Variants in NR5A2 observed in about 807,000 individuals in gnomAD.
NR5A2 encodes CYP7A promoter-binding factor.
In NR5A2, 26 loss-of-function variants were observed where a neutral mutation model predicts 62.7. The ratio of observed to expected loss-of-function variants is 0.41; its 90% confidence interval spans 0.30 to 0.58. NR5A2 has a LOEUF of 0.58. NR5A2 is among the 20% of genes least tolerant of loss of function. NR5A2 has a pLI of 0.22. For synonymous variants in NR5A2, 246 were observed against 241.7 expected (o/e 1.02, Z -0.16); for missense variants, 541 against 669.1 (o/e 0.81, Z 2.11).
chr1:200,082,046 G>A (rs939746662), intron 5 of NR5A2, among the ~76,000 whole-genome samples: 4 of 152,080 alleles, frequency 2.6e-5, no homozygotes, highest in Admixed American at 6.5e-5. Context: ...TCTGGTTTTC[G>A]TATGGTTTGA....
At position 200,174,180 on chromosome 1, in the gene NR5A2, C is replaced by T. The variant is rs139798381; in HGVS notation, c.1596C>T (p.Leu532=). Residue 532 remains leucine, a synonymous_variant, in exon 8 of 8, where the codon CTC becomes CTT. Transcript: ENST00000367362. The part of the protein sequence containing the change: ...LNGDVPYNNL[L]IEMLHAKRA The stretch of plus-strand genomic sequence containing the variant: ...GGGATGTGCCCTATAATAACCTTCT[C>T]ATTGAAATGTTGCATGCCAAAAGAG... 1 of 1,605,670 alleles carries T rather than the reference C, an allele frequency of 6.2e-7. No individual in the cohort carries two copies. The highest frequency in any genetic ancestry group is 1.3e-5 in the African/African-American group (1 of 74,506).
intron 5 of NR5A2, among the ~76,000 whole-genome samples, chr1:200,087,253 C>A (rs1664595972): frequency 6.6e-6 from 1 of 152,028 alleles, no homozygotes; most frequent in African/African-American, 2.4e-5. Context: ...CACACACACA[C>A]ACACACACAC....
At chr1:200,079,522 A>T (rs1484176309) in intron 5 of NR5A2, among the ~76,000 whole-genome samples, 1 of 152,226 alleles carries the variant, frequency 6.6e-6, no homozygotes, top group Non-Finnish European at 1.5e-5. Context: ...CTCAGGCTTG[A>T]TATATGGGCC....
chr1:200,117,198 G>A (rs1485604288), intron 6 of NR5A2, among the ~76,000 whole-genome samples: 2 of 152,130 alleles, frequency 1.3e-5, no homozygotes, highest in Admixed American at 1.3e-4. Context: ...GTACATAAAA[G>A]ACAAGGCCAA....
chr1:200,085,663 A>C (rs1664487630), intron 5 of NR5A2, among the ~76,000 whole-genome samples: 2 of 96,236 alleles, frequency 2.1e-5, no homozygotes, highest in Admixed American at 2.0e-4. Context: ...GACCTATCTC[A>C]AAAAAAAAAA....
At chr1:200,110,710 C>CT (rs1229849348) in intron 5 of NR5A2, among the ~76,000 whole-genome samples, 1 of 152,176 alleles carries the variant, frequency 6.6e-6, no homozygotes, top group Admixed American at 6.5e-5. Flanking sequence ...TCCAAAAGTC[C>CT]TATGGGCTGT....
At chr1:200,091,976 T>C (rs938671718) in intron 5 of NR5A2, among the ~76,000 whole-genome samples, 1 of 152,182 alleles carries the variant, frequency 6.6e-6, no homozygotes. Context: ...TTGTTAGACA[T>C]GTAGAATCAC....
intron 7 of NR5A2, among the ~76,000 whole-genome samples, chr1:200,132,131 G>A (rs766671759): frequency 9.9e-5 from 15 of 151,982 alleles, no homozygotes; most frequent in Non-Finnish European, 1.8e-4. Flanking sequence ...TGCCTCAGCC[G>A]CCTGAGTAGT....
intron 7 of NR5A2, among the ~76,000 whole-genome samples, chr1:200,139,450 AAGTC>A (rs1374600877): frequency 6.6e-6 from 1 of 152,214 alleles, no homozygotes; most frequent in Non-Finnish European, 1.5e-5. Context: ...AATCATTCTA[AAGTC>A]AAATGACTTG....
intron 7 of NR5A2, among the ~76,000 whole-genome samples, chr1:200,125,714 TAAGC>T (rs933537335): frequency 8.5e-5 from 13 of 152,244 alleles, no homozygotes; most frequent in Non-Finnish European, 2.9e-5. Flanking sequence ...AAAGGTCATC[TAAGC>T]AAGTACTATA....
At chr1:200,027,934 AT>A in intron 1 of NR5A2, 23 bp downstream of exon 1, 11 of 1,521,338 alleles carry the variant, frequency 7.2e-6, no homozygotes, top group Non-Finnish European at 9.0e-6. Context: ...TTCTCTATTG[AT>A]CATCTATTTA....
chr1:200,147,303 G>GC lies in NR5A2; in HGVS notation c.1378+26350dup, dbSNP rs1459679071. On this transcript the variant is annotated intron_variant, in intron 7 of 7. Coordinates refer to ENST00000367362, the MANE Select transcript of NR5A2 (RefSeq NM_205860.3). The surrounding 1 kb of genome is among the most constrained non-coding windows in gnomAD (Gnocchi z 4.9). ...GCTGGCTGCATCTGCTGTGCCAGGC[G>GC]CCTACTGTGCGCTCCTCTCCTCATC... 4.6e-5 allele frequency among the ~76,000 whole-genome samples: 7 copies of GC among 152,320 alleles called. No individual in the cohort carries two copies. Among genetic ancestry groups the GC allele is most frequent in the Non-Finnish European group, 1.5e-5 (1 of 68,034 alleles).
rs1666460420 is a variant in NR5A2, at chr1:200,121,053, A to G, written c.1378+98A>G. On this transcript the variant is annotated intron_variant, in intron 7 of 7. Coordinates refer to ENST00000367362, the MANE Select transcript of NR5A2 (RefSeq NM_205860.3). ...GTCCATGTATGTTTTTGTTCTATCA[A>G]TATAATGCCCTTCCTGTCAAATTAT... 1.9e-5 allele frequency: 24 copies of G among 1,231,932 alleles called. No homozygotes were observed. In the South Asian group the frequency reaches 2.5e-4, roughly 13 times the overall value. 76.3% of individuals were successfully genotyped at this position (1,231,932 alleles called of 1,614,324 possible).
intron 7 of NR5A2, among the ~76,000 whole-genome samples, chr1:200,166,358 C>G (rs1653901197): frequency 6.6e-6 from 1 of 152,176 alleles, no homozygotes; most frequent in South Asian, 2.1e-4. Flanking sequence ...AGACTGTACT[C>G]AGTCTCCATC....
At chr1:200,085,970 C>T (rs1010313413) in intron 5 of NR5A2, among the ~76,000 whole-genome samples, 52 of 152,104 alleles carry the variant, frequency 3.4e-4, no homozygotes, top group Non-Finnish European at 6.3e-4. Flanking sequence ...GTGTGGTGCT[C>T]ATTTTCTTTG....
chr1:200,102,413 T>C (rs900412466), intron 5 of NR5A2, among the ~76,000 whole-genome samples: 1 of 152,172 alleles, frequency 6.6e-6, no homozygotes, highest in African/African-American at 2.4e-5. Context: ...TGACTCTGGA[T>C]TGAGCTGTTC....
At chr1:200,168,846 T>C (rs1050421799) in intron 7 of NR5A2, among the ~76,000 whole-genome samples, 3 of 152,216 alleles carry the variant, frequency 2.0e-5, no homozygotes, top group Non-Finnish European at 2.9e-5. Flanking sequence ...TATTTAGCCC[T>C]TTAAAAAATA....
At chr1:200,165,319 A>G (rs952858634) in intron 7 of NR5A2, among the ~76,000 whole-genome samples, 3 of 152,118 alleles carry the variant, frequency 2.0e-5, no homozygotes, top group Non-Finnish European at 2.9e-5. Flanking sequence ...TGAAACCTTT[A>G]CAATGAATGC....
chr1:200,123,806 G>GTT (rs34010101), intron 7 of NR5A2, among the ~76,000 whole-genome samples: 2 of 135,828 alleles, frequency 1.5e-5, no homozygotes, highest in Non-Finnish European at 1.6e-5. Flanking sequence ...TTTAGAGGTG[G>GTT]TTTTTTTTTT....
Sources: gnomAD v4.1 joint callset for allele counts (sites outside exome capture counted in the v4.1 genomes callset) on GRCh38, gnomAD v4.1.1 for gene constraint, Gnocchi (gnomAD v3.1) non-coding constraint, MANE v1.5 for transcripts, NCBI Gene and HGNC (gene_info 2026-07-23, HGNC 2026-07-21) for gene names.